The following MARCHF1 variants were observed in gnomAD, a reference collection of about 807,000 sequenced individuals.
MARCHF1 encodes membrane associated ring-CH-type finger 1.
Under a neutral mutation model 54.2 loss-of-function variants are expected in MARCHF1, and 40 were observed. The observed-to-expected ratio is 0.74, with a 90% CI of 0.57 to 0.96. The LOEUF (loss-of-function observed/expected upper bound fraction) is 0.96. MARCHF1 is among the 40% of genes least tolerant of loss of function. The pLI, the probability that MARCHF1 is intolerant of heterozygous loss-of-function variation, is 0.00. For missense variants in MARCHF1, 586 were observed against 656.5 expected (o/e 0.89, Z 1.17); for synonymous variants, 236 against 236.3 (o/e 1.00, Z 0.01).
At chr4:163,563,136 T>G (rs1314134637) in intron 8 of MARCHF1, among the ~76,000 whole-genome samples, 5 of 152,238 alleles carry the variant, frequency 3.3e-5, no homozygotes, top group African/African-American at 1.2e-4. Context: ...CTGGATAAAG[T>G]TGAAATTCTT....
At chr4:164,131,416 G>A (rs950323632) in intron 1 of MARCHF1, among the ~76,000 whole-genome samples, 1 of 152,062 alleles carries the variant, frequency 6.6e-6, no homozygotes, top group African/African-American at 2.4e-5. Flanking sequence ...AATTACGTTT[G>A]GCATTTGGAA....
At chr4:163,604,491 C>T (rs1371952576) in intron 7 of MARCHF1, among the ~76,000 whole-genome samples, 1 of 152,098 alleles carries the variant, frequency 6.6e-6, no homozygotes, top group Non-Finnish European at 1.5e-5. Context: ...GCCACTCTAC[C>T]CTCTTCCTTG....
intron 1 of MARCHF1, among the ~76,000 whole-genome samples, chr4:164,285,335 C>T (rs1185397596): frequency 6.6e-6 from 1 of 152,090 alleles, no homozygotes; most frequent in African/African-American, 2.4e-5. Context: ...TTCAAGGCTG[C>T]AGTGCATTAT....
At chr4:163,943,826 G>A (rs915883834) in intron 3 of MARCHF1, among the ~76,000 whole-genome samples, 1 of 151,050 alleles carries the variant, frequency 6.6e-6, no homozygotes, top group African/African-American at 2.4e-5. Flanking sequence ...TTTAAACCAG[G>A]GCTTAAGGTG....
chr4:164,091,234 T>C (rs527274430), intron 2 of MARCHF1, among the ~76,000 whole-genome samples: 1 of 151,972 alleles, frequency 6.6e-6, no homozygotes, highest in South Asian at 2.1e-4. Flanking sequence ...TGTTGAATGA[T>C]ATCTTCTTGA....
In MARCHF1 at chr4:164,076,437, T is replaced by C. The variant is rs574351543; in HGVS notation, c.-248+35151A>G. ...TGACAAAGCCACAGCCAATATCATA[T>C]TTAATGGGCAAATTTGGAAGCATTC... is the stretch of plus-strand genomic sequence containing the variant. On this transcript the variant is annotated intron_variant, in intron 2 of 9. Coordinates refer to ENST00000514618, the MANE Select transcript of MARCHF1 (RefSeq NM_001394959.1). 3.3e-5 allele frequency among the ~76,000 whole-genome samples: 5 copies of C among 152,272 alleles called. No individual in the cohort carries two copies. The South Asian group carries it at 6.2e-4, about 19-fold the overall frequency.
At chr4:163,834,491 G>C (rs533338100) in intron 4 of MARCHF1, among the ~76,000 whole-genome samples, 128 of 151,846 alleles carry the variant, frequency 8.4e-4, no homozygotes, top group African/African-American at 3.0e-3. Flanking sequence ...TAGGGTACAT[G>C]TGCACAATGT....
At chr4:163,710,594 T>G (rs1445732479) in intron 4 of MARCHF1, among the ~76,000 whole-genome samples, 1 of 152,176 alleles carries the variant, frequency 6.6e-6, no homozygotes, top group Non-Finnish European at 1.5e-5. Flanking sequence ...AACAAGTTAG[T>G]AATTGTAATT....
At chr4:164,054,663 T>C (rs1442838754) in intron 2 of MARCHF1, among the ~76,000 whole-genome samples, 4 of 150,744 alleles carry the variant, frequency 2.7e-5, no homozygotes, top group African/African-American at 9.8e-5. Context: ...TCATTCTCAG[T>C]AAACTATCGC....
intron 3 of MARCHF1, among the ~76,000 whole-genome samples, chr4:163,868,988 T>C (rs72685650): frequency 0.095 from 14,273 of 149,488 alleles, 699 homozygotes; most frequent in African/African-American, 0.12. Context: ...TAATATTTAA[T>C]AGACCATTTA....
At chr4:163,861,681 T>C (rs1055538231) in intron 3 of MARCHF1, among the ~76,000 whole-genome samples, 10 of 152,174 alleles carry the variant, frequency 6.6e-5, no homozygotes, top group Middle Eastern at 3.4e-3. Context: ...TCATACAATC[T>C]GAATAAAAAT....
intron 2 of MARCHF1, among the ~76,000 whole-genome samples, chr4:164,089,022 T>C (rs1015706426): frequency 6.6e-6 from 1 of 152,168 alleles, no homozygotes; most frequent in African/African-American, 2.4e-5. Flanking sequence ...CCTAGAATGA[T>C]CCTTCACATG....
Position 163,633,015 on chromosome 4 carries a change from A to G in MARCHF1, c.163-19622T>C, listed in dbSNP as rs528982597. On this transcript the variant is annotated intron_variant, in intron 5 of 9. Coordinates refer to ENST00000514618, the MANE Select transcript of MARCHF1 (RefSeq NM_001394959.1). ...GACACCTCACACTGCAGGGTACTCCAACAGACCTGCAGCTGAGGGTCCTGT... is the reference window on the plus strand; with the variant it reads ...GACACCTCACACTGCAGGGTACTCCGACAGACCTGCAGCTGAGGGTCCTGT... 6.6e-5 allele frequency among the ~76,000 whole-genome samples: 10 copies of G among 152,228 alleles called. No individual in the cohort carries two copies. The East Asian group carries it at 1.9e-3, about 29-fold the overall frequency.
At chr4:164,275,568 C>G (rs1009622093) in intron 1 of MARCHF1, among the ~76,000 whole-genome samples, 8 of 152,186 alleles carry the variant, frequency 5.3e-5, no homozygotes, top group African/African-American at 1.9e-4. Context: ...TGATAAATAA[C>G]TGAGAAGTGA....
chr4:164,119,292 A>T (rs903956914), intron 1 of MARCHF1, among the ~76,000 whole-genome samples: 1 of 151,666 alleles, frequency 6.6e-6, no homozygotes, highest in African/African-American at 2.4e-5. Context: ...CAAAATTAAA[A>T]TATCTCAAAA....
At chr4:164,360,216 G>A (rs1214957144) in intron 1 of MARCHF1, among the ~76,000 whole-genome samples, 2 of 151,614 alleles carry the variant, frequency 1.3e-5, no homozygotes, top group African/African-American at 2.4e-5. Context: ...GTATCCACTG[G>A]CAAAAAAGAA....
chr4:163,866,865 C>T (rs955922312), intron 3 of MARCHF1, among the ~76,000 whole-genome samples: 10 of 151,854 alleles, frequency 6.6e-5, no homozygotes, highest in African/African-American at 2.4e-4. Context: ...GTCTAGAAGC[C>T]TTTCAAAAGT....
intron 7 of MARCHF1, among the ~76,000 whole-genome samples, chr4:163,604,701 A>G (rs1741086267): frequency 6.6e-6 from 1 of 152,120 alleles, no homozygotes. Flanking sequence ...AAGGAAGTCC[A>G]TGATTGGATT....
chr4:163,557,409 G>A (rs867421354), intron 8 of MARCHF1, among the ~76,000 whole-genome samples: 3 of 152,302 alleles, frequency 2.0e-5, no homozygotes, highest in South Asian at 2.1e-4. Flanking sequence ...GAAAGCTTCA[G>A]GGGGACTAAG....
Sources: gnomAD v4.1 joint callset for allele counts (sites outside exome capture counted in the v4.1 genomes callset) on GRCh38, gnomAD v4.1.1 for gene constraint, MANE v1.5 for transcripts, NCBI Gene and HGNC (gene_info 2026-07-23, HGNC 2026-07-21) for gene names.